The following DAB1 variants were observed in gnomAD, a reference collection of about 807,000 sequenced individuals.
DAB1 encodes DAB adaptor protein 1.
DAB1 carries 15 observed loss-of-function variants against 64.6 expected under a neutral mutation model. That is an observed-to-expected ratio of 0.23 (90% CI 0.16 to 0.36). The LOEUF (loss-of-function observed/expected upper bound fraction) is 0.36, where lower values mean the gene tolerates loss of function less well. Ranked by LOEUF, DAB1 falls within the 10% of genes least tolerant of loss-of-function variation. The pLI is 1.00. For missense variants in DAB1, 596 were observed against 706.7 expected (o/e 0.84, Z 1.78); for synonymous variants, 235 against 251.9 (o/e 0.93, Z 0.64).
intron 3 of DAB1, among the ~76,000 whole-genome samples, chr1:58,384,859 A>G (rs1372930374): frequency 6.8e-6 from 1 of 146,074 alleles, no homozygotes; most frequent in Non-Finnish European, 1.5e-5. Context: ...TGCTCTCTCC[A>G]ATTTCTTCTG....
intron 4 of DAB1, among the ~76,000 whole-genome samples, chr1:58,283,924 AGTGTACGT>A (rs1300835892): frequency 1.3e-5 from 2 of 152,214 alleles, no homozygotes; most frequent in Admixed American, 6.5e-5. Context: ...TGCCTGGCTC[AGTGTACGT>A]GTTTAATACA....
chr1:58,392,609 C>T (rs989538516), intron 3 of DAB1, among the ~76,000 whole-genome samples: 3 of 152,212 alleles, frequency 2.0e-5, no homozygotes, highest in Non-Finnish European at 2.9e-5. Flanking sequence ...CTGCCCTCCA[C>T]GACTGCTACC....
chr1:58,397,019 C>T (rs1273102087), intron 3 of DAB1, among the ~76,000 whole-genome samples: 3 of 150,952 alleles, frequency 2.0e-5, no homozygotes, highest in African/African-American at 7.3e-5. Flanking sequence ...GAGCCGAGAT[C>T]GCACTACTGC....
intron 7 of DAB1, among the ~76,000 whole-genome samples, chr1:57,491,528 G>T (rs1171354868): frequency 6.6e-6 from 1 of 152,114 alleles, no homozygotes; most frequent in African/African-American, 2.4e-5. Flanking sequence ...TATAATAAAC[G>T]TGCCCAATAC....
Position 58,202,478 on chromosome 1 carries a change from C to G in DAB1, n.310-51890G>C, listed in dbSNP as rs114120222. ...AGAGGTAGGATTTATTTCTCCTCCT[C>G]TTGAAGCTGAGCTGGTCTGTAACTG... On this transcript the variant is annotated intron_variant and non_coding_transcript_variant, in intron 4 of 20. Coordinates refer to the DAB1 transcript ENST00000485760. 1.8e-3 allele frequency among the ~76,000 whole-genome samples: 273 copies of G among 152,268 alleles called. 2 individuals are homozygous for G. The highest frequency in any genetic ancestry group is 6.3e-3 in the African/African-American group (260 of 41,552).
chr1:57,776,687 T>C (rs977976475), intron 6 of DAB1, among the ~76,000 whole-genome samples: 2 of 151,850 alleles, frequency 1.3e-5, no homozygotes, highest in Non-Finnish European at 1.5e-5. Context: ...CTTCAGATAA[T>C]ATTATACCAT....
chr1:57,241,460 AAT>A (rs1668489142), intron 2 of DAB1, among the ~76,000 whole-genome samples: 1 of 152,184 alleles, frequency 6.6e-6, no homozygotes, highest in Non-Finnish European at 1.5e-5. Flanking sequence ...CAGGGCACAA[AAT>A]AGACCATCAG....
At chr1:57,656,347 A>G (rs1646318364) in intron 6 of DAB1, among the ~76,000 whole-genome samples, 1 of 140,660 alleles carries the variant, frequency 7.1e-6, no homozygotes, top group Non-Finnish European at 1.5e-5. Context: ...TTGGTGCAAA[A>G]GTAATTGTGT....
intron 12 of DAB1, among the ~76,000 whole-genome samples, chr1:57,013,669 C>G (rs1423107422): frequency 1.3e-5 from 2 of 152,072 alleles, no homozygotes; most frequent in African/African-American, 4.8e-5. Flanking sequence ...TGATCCATAT[C>G]ACCTGTGACA....
chr1:57,283,848 A>T (rs1054141966), intron 2 of DAB1, among the ~76,000 whole-genome samples: 2 of 152,184 alleles, frequency 1.3e-5, no homozygotes, highest in Admixed American at 6.5e-5. Context: ...CAGGGGAGTG[A>T]CCACTGACAA....
chr1:58,220,295 T>C (rs901589826), intron 4 of DAB1, among the ~76,000 whole-genome samples: 1 of 152,206 alleles, frequency 6.6e-6, no homozygotes. Flanking sequence ...AATAACTAAC[T>C]GATGGCCCAA....
At chr1:57,615,167 G>A (rs945827409) in intron 7 of DAB1, among the ~76,000 whole-genome samples, 1 of 152,076 alleles carries the variant, frequency 6.6e-6, no homozygotes, top group South Asian at 2.1e-4. Context: ...ACTGCGCCCG[G>A]CCTCTGTCTT....
At chr1:57,555,534 C>T (rs6687355) in intron 7 of DAB1, among the ~76,000 whole-genome samples, 61,048 of 151,770 alleles carry the variant, frequency 0.4, 14,187 homozygotes, top group Non-Finnish European at 0.52. Context: ...TGTAAATACA[C>T]GTACTCATAT....
chr1:57,330,119 T>A (rs1461975433), intron 1 of DAB1, among the ~76,000 whole-genome samples: 8 of 152,176 alleles, frequency 5.3e-5, no homozygotes, highest in Non-Finnish European at 7.3e-5. Flanking sequence ...TGAACTACAA[T>A]CAAGTCATCT....
In DAB1 at chr1:56,996,943, A is replaced by G. The variant is rs1275638845; in HGVS notation, c.*1201T>C. On this transcript the variant is annotated 3_prime_UTR_variant, in exon 15 of 15. Coordinates refer to ENST00000371236, the MANE Select transcript of DAB1 (RefSeq NM_001365792.1). ...AGCCATTTCCCTTAAATATTTAAAG[A>G]GTTTAATGGTAAGGTTTTTTTTTCA... 1.3e-5 allele frequency: 2 copies of G among 152,072 alleles called. No homozygotes were observed. The highest frequency in any genetic ancestry group is 2.9e-5 in the Non-Finnish European group (2 of 68,026). The allele number at this position is 152,072 out of a possible 1,614,324, so 9.4% of individuals were successfully genotyped here.
intron 5 of DAB1, among the ~76,000 whole-genome samples, chr1:58,091,807 A>G (rs1650673078): frequency 6.6e-6 from 1 of 152,018 alleles, no homozygotes; most frequent in African/African-American, 2.4e-5. Flanking sequence ...TATTGACCTG[A>G]GCTCAAAACT....
intron 4 of DAB1, among the ~76,000 whole-genome samples, chr1:57,123,833 T>C: frequency 6.6e-6 from 1 of 152,270 alleles, no homozygotes; most frequent in South Asian, 2.1e-4. Flanking sequence ...TTTGAAAAAA[T>C]TATTTTTATG....
intron 4 of DAB1, among the ~76,000 whole-genome samples, chr1:58,179,283 G>T (rs890909375): frequency 6.6e-6 from 1 of 151,968 alleles, no homozygotes; most frequent in Non-Finnish European, 1.5e-5. Flanking sequence ...GAGGAATATG[G>T]ATCTACTGTT....
chr1:57,807,922 T>C (rs1442512820), intron 6 of DAB1, among the ~76,000 whole-genome samples: 1 of 152,202 alleles, frequency 6.6e-6, no homozygotes, highest in Non-Finnish European at 1.5e-5. Flanking sequence ...TAACATTTTC[T>C]TTTCTCTAGC....
Sources: gnomAD v4.1 joint callset for allele counts (sites outside exome capture counted in the v4.1 genomes callset) on GRCh38, gnomAD v4.1.1 for gene constraint, MANE v1.5 for transcripts, NCBI Gene and HGNC (gene_info 2026-07-23, HGNC 2026-07-21) for gene names.